SHANK2: variants seen among roughly 807,000 people sequenced by gnomAD.
SHANK2 encodes SH3 and multiple ankyrin repeat domains 2.
SHANK2 carries 43 observed loss-of-function variants against 133.7 expected under a neutral mutation model. That is an observed-to-expected ratio of 0.32 (90% CI 0.25 to 0.41). The LOEUF (loss-of-function observed/expected upper bound fraction) is 0.41. SHANK2 is among the 10% of genes least tolerant of loss of function. The probability of loss-of-function intolerance (pLI) is 1.00; values close to 1 mark genes in which losing one functional copy is unlikely to be tolerated. For missense variants in SHANK2, 1,994 were observed against 2,235.8 expected (o/e 0.89, Z 2.18); for synonymous variants, 1,017 against 952.8 (o/e 1.07, Z -1.24).
At chr11:71,099,706 C>T (rs1026771373) in intron 6 of SHANK2, among the ~76,000 whole-genome samples, 1 of 152,136 alleles carries the variant, frequency 6.6e-6, no homozygotes, top group Non-Finnish European at 1.5e-5. Context: ...AGATAGCCAA[C>T]ACACACGAGA....
At chr11:71,065,610 C>A (rs1309147160) in intron 9 of SHANK2, among the ~76,000 whole-genome samples, 10 of 23,260 alleles carry the variant, frequency 4.3e-4, no homozygotes, top group African/African-American at 6.5e-4. Context: ...TGAGTGGGGA[C>A]GTTGCAGGGG....
intron 14 of SHANK2, among the ~76,000 whole-genome samples, chr11:70,766,573 G>C (rs1331262819): frequency 6.6e-6 from 1 of 152,170 alleles, no homozygotes; most frequent in African/African-American, 2.4e-5. Flanking sequence ...CCTGGTTTAA[G>C]TCACTAAAAT....
intron 11 of SHANK2, among the ~76,000 whole-genome samples, chr11:70,873,915 G>A (rs1437972472): frequency 2.0e-5 from 3 of 152,126 alleles, no homozygotes; most frequent in Non-Finnish European, 4.4e-5. Flanking sequence ...GCTCCCGGGC[G>A]TCAGTGACAG....
chr11:71,210,487 C>T (rs1441994727), intron 2 of SHANK2, among the ~76,000 whole-genome samples: 2 of 151,546 alleles, frequency 1.3e-5, no homozygotes, highest in African/African-American at 2.4e-5. Context: ...CCTGACCTTG[C>T]GATCCACCCA....
At chr11:70,918,523 G>A (rs1354058884) in intron 10 of SHANK2, among the ~76,000 whole-genome samples, 1 of 152,086 alleles carries the variant, frequency 6.6e-6, no homozygotes. Flanking sequence ...ATTTTTTTGA[G>A]ACAGAGTGTT....
At chr11:71,158,241 C>A (rs1952939955) in intron 2 of SHANK2, among the ~76,000 whole-genome samples, 1 of 151,710 alleles carries the variant, frequency 6.6e-6, no homozygotes, top group Admixed American at 6.6e-5. Context: ...TAATGTGTAA[C>A]CATAAAACTA....
intron 2 of SHANK2, among the ~76,000 whole-genome samples, chr11:71,176,053 C>T (rs1267446669): frequency 1.3e-5 from 2 of 152,214 alleles, no homozygotes; most frequent in Non-Finnish European, 2.9e-5. Context: ...AAAAATAATA[C>T]ATACTAATTA....
chr11:70,832,303 T>C lies in SHANK2; in HGVS notation c.1175-11621A>G, dbSNP rs543962918. On this transcript the variant is annotated intron_variant, in intron 11 of 25. Coordinates refer to ENST00000601538, the MANE Select transcript of SHANK2 (RefSeq NM_012309.5). ...GCAAGGCAATCCTCCTGCTTTGCCC[T>C]ATCTCTATAATAAACAAGTCCTGGT... Among the ~76,000 whole-genome samples, 76 of 145,544 alleles carry C rather than the reference T, an allele frequency of 5.2e-4. 1 individual carries two copies. The Middle Eastern group carries it at 0.01, about 20-fold the overall frequency.
intron 10 of SHANK2, among the ~76,000 whole-genome samples, chr11:70,945,807 C>T (rs1304943953): frequency 4.6e-5 from 7 of 152,138 alleles, no homozygotes; most frequent in East Asian, 1.9e-4. Flanking sequence ...GGGAAGAGCT[C>T]GAGGGCTCAC....
Position 71,082,931 on chromosome 11 carries a change from T to G in SHANK2, c.913-7656A>C, listed in dbSNP as rs1043488430. 2.6e-4 allele frequency among the ~76,000 whole-genome samples: 40 copies of G among 151,638 alleles called. No homozygotes were observed. In the East Asian group the frequency reaches 6.2e-3, roughly 24 times the overall value. On this transcript the variant is annotated intron_variant, in intron 8 of 25. Transcript: ENST00000601538. ...GCACTCTCTGAATACAACGGATTGTTTCTTAACGCCCGCCCCCCCCCCAAC... is the reference window on the plus strand; with the variant it reads ...GCACTCTCTGAATACAACGGATTGTGTCTTAACGCCCGCCCCCCCCCCAAC...
chr11:71,092,504 T>C lies in SHANK2; in HGVS notation c.830A>G (p.Asp277Gly). The change falls in exon 8 of 26, where the codon GAT (aspartate) becomes GGT (glycine). Residue 277 changes from aspartate to glycine, a missense_variant. By Grantham distance (94) the Asp-to-Gly change is moderately conservative (BLOSUM62 -1). Transcript: ENST00000601538. ...CAGGAGAAGCTCGCAGCAGTAGGGA[T>C]CACCTCCGACGATGGCTGTGTGATA... The part of the protein sequence containing the change: ...PLYHTAIVGG[D>G]PYCCELLLHE... The C allele has an allele frequency of 6.4e-7, 1 of 1,551,546 alleles. No homozygotes were observed. The highest frequency in any genetic ancestry group is 8.7e-7 in the Non-Finnish European group (1 of 1,146,996).
At chr11:70,683,070 C>T (rs1555018709) in intron 15 of SHANK2, among the ~76,000 whole-genome samples, 1 of 152,214 alleles carries the variant, frequency 6.6e-6, no homozygotes, top group African/African-American at 2.4e-5. Flanking sequence ...CTCAGTTTCC[C>T]TGCTGGTCTC....
chr11:71,199,557 G>C (rs994540915), intron 2 of SHANK2, among the ~76,000 whole-genome samples: 1 of 152,222 alleles, frequency 6.6e-6, no homozygotes, highest in Non-Finnish European at 1.5e-5. Flanking sequence ...CAAAGCCTTC[G>C]CTAAAACGTG....
intron 1 of SHANK2, among the ~76,000 whole-genome samples, chr11:71,251,095 C>T (rs1555125771): frequency 2.0e-5 from 3 of 151,928 alleles, no homozygotes; most frequent in Non-Finnish European, 4.4e-5. Flanking sequence ...TTTCGCCTGA[C>T]CCCCCCACCA....
At chr11:70,601,126 A>G (rs1168038912) in intron 17 of SHANK2, among the ~76,000 whole-genome samples, 1 of 152,080 alleles carries the variant, frequency 6.6e-6, no homozygotes, top group African/African-American at 2.4e-5. Context: ...ATCTCAGCTC[A>G]CGGCAATCTC....
chr11:71,167,273 A>G (rs1397282722), intron 2 of SHANK2, among the ~76,000 whole-genome samples: 5 of 152,094 alleles, frequency 3.3e-5, no homozygotes, highest in African/African-American at 1.2e-4. Flanking sequence ...CACCATTGTC[A>G]TCATGGCCCA....
intron 4 of SHANK2, among the ~76,000 whole-genome samples, chr11:71,116,040 C>G (rs1951972907): frequency 1.3e-5 from 2 of 152,198 alleles, no homozygotes; most frequent in Non-Finnish European, 2.9e-5. Flanking sequence ...TCATCTTTTT[C>G]TACACTGAAA....
intron 17 of SHANK2, among the ~76,000 whole-genome samples, chr11:70,577,906 G>A (rs1241517601): frequency 1.3e-5 from 2 of 152,242 alleles, no homozygotes; most frequent in Non-Finnish European, 2.9e-5. Flanking sequence ...TTAAGGAGAT[G>A]AGGACACTGA....
intron 17 of SHANK2, among the ~76,000 whole-genome samples, chr11:70,591,427 G>GA (rs1392992120): frequency 6.6e-6 from 1 of 151,900 alleles, no homozygotes; most frequent in Non-Finnish European, 1.5e-5. Context: ...AAAGATAGAA[G>GA]AAGGAGCCGG....
Sources: gnomAD v4.1 joint callset for allele counts (sites outside exome capture counted in the v4.1 genomes callset) on GRCh38, gnomAD v4.1.1 for gene constraint, MANE v1.5 for transcripts, NCBI Gene and HGNC (gene_info 2026-07-23, HGNC 2026-07-21) for gene names.